Variants in TPO observed in about 807,000 individuals in gnomAD.
The protein encoded by TPO is thyroid peroxidase.
A neutral mutation model predicts 96.9 loss-of-function variants in TPO; 78 were observed. The observed-to-expected ratio is 0.81, with a 90% confidence interval of 0.67 to 0.97. The LOEUF is 0.97. Ranked by LOEUF, TPO falls within the 50% of genes least tolerant of loss-of-function variation. TPO has a pLI of 0.00. For synonymous variants in TPO, 547 were observed against 538.0 expected (o/e 1.02, Z -0.23); for missense variants, 1,252 against 1,274.8 (o/e 0.98, Z 0.27).
At chr2:1,423,388 A>G (rs1663990694) in intron 3 of TPO, among the ~76,000 whole-genome samples, 1 of 152,214 alleles carries the variant, frequency 6.6e-6, no homozygotes, top group African/African-American at 2.4e-5. Context: ...AAGACAGTAG[A>G]GGCTGACGTC....
chr2:1,482,918 C>G (rs1670782460), intron 8 of TPO, among the ~76,000 whole-genome samples: 1 of 152,192 alleles, frequency 6.6e-6, no homozygotes, highest in Non-Finnish European at 1.5e-5. Context: ...TGGGCTCAAG[C>G]AATCCTCCCA....
In TPO at chr2:1,496,134, T is replaced by G. The variant is rs148431413; in HGVS notation, c.2152T>G (p.Phe718Val). ...AFQVGKFPED[F>V]ESCDSITGMN... The stretch of plus-strand genomic sequence containing the variant: ...CCAAGTCGGCAAATTCCCCGAAGAC[T>G]TTGAGTCTTGTGACAGCATCACTGG... The change falls in exon 12 of 17, where the codon TTT becomes GTT. Residue 718 changes from phenylalanine to valine, a missense_variant. Transcript: ENST00000329066. 3.7e-5 allele frequency: 59 copies of G among 1,614,100 alleles called. No individual in the cohort carries two copies. The African/African-American group carries it at 6.3e-4, about 17-fold the overall frequency.
rs372370924 is a variant in TPO, at chr2:1,540,689, C to A, written c.2714C>A (p.Ser905Ter). The change falls in exon 16 of 17, where the codon TCA (serine) becomes TAA (stop). Residue 905 changes from serine to a stop codon, truncating the protein, a stop_gained. Transcript: ENST00000329066. LOFTEE classifies it low-confidence loss of function (END_TRUNC). ...GGAAAGCACCAGGCCGTAGGGACCTCACCGCAGCGGGCCGCAGCTCAGGAC... is the reference window on the plus strand; with the variant it reads ...GGAAAGCACCAGGCCGTAGGGACCTAACCGCAGCGGGCCGCAGCTCAGGAC... ...RCGKHQAVGT[S>*]PQRAAAQDSE... 4.3e-6 allele frequency: 7 copies of A among 1,613,268 alleles called. No individual in the cohort carries two copies. The highest frequency in any genetic ancestry group is 5.9e-6 in the Non-Finnish European group (7 of 1,180,040).
At chr2:1,533,444 C>T (rs1381686169) in intron 15 of TPO, among the ~76,000 whole-genome samples, 1 of 88,222 alleles carries the variant, frequency 1.1e-5, no homozygotes, top group Non-Finnish European at 2.2e-5. Context: ...CTCCCGAAAT[C>T]GCCCCCACTG....
intron 7 of TPO, among the ~76,000 whole-genome samples, chr2:1,462,623 A>C (rs560540245): frequency 6.6e-6 from 1 of 152,254 alleles, no homozygotes; most frequent in East Asian, 1.9e-4. Flanking sequence ...ATTTTAATTT[A>C]GTGTTGTTGA....
upstream of TPO, among the ~76,000 whole-genome samples, chr2:1,408,842 T>G (rs1662285236): frequency 6.6e-6 from 1 of 152,208 alleles, no homozygotes; most frequent in African/African-American, 2.4e-5. Context: ...CCACTTTTCC[T>G]TCTTGTGAAG....
intron 1 of TPO, among the ~76,000 whole-genome samples, chr2:1,404,280 T>A (rs765224877): frequency 3.3e-5 from 5 of 152,112 alleles, no homozygotes; most frequent in Non-Finnish European, 5.9e-5. Context: ...TAGCCAATTG[T>A]GGTAATGCAG....
At chr2:1,379,262 G>A (rs1048588064) in intron 1 of TPO, among the ~76,000 whole-genome samples, 10 of 151,654 alleles carry the variant, frequency 6.6e-5, no homozygotes, top group African/African-American at 1.7e-4. Context: ...CCGAGGTCGC[G>A]CCACTGCACT....
intron 7 of TPO, among the ~76,000 whole-genome samples, chr2:1,473,671 T>C (rs925485011): frequency 3.9e-5 from 6 of 152,196 alleles, no homozygotes; most frequent in Admixed American, 1.3e-4. Flanking sequence ...AAATTTTTTG[T>C]ATATTTAATG....
At chr2:1,480,736 T>TCCC (rs1162791814) in intron 8 of TPO, among the ~76,000 whole-genome samples, 16 of 108,062 alleles carry the variant, frequency 1.5e-4, no homozygotes, top group Non-Finnish European at 2.7e-4. Context: ...CCAAACCATG[T>TCCC]TTCTCCTGCT....
chr2:1,464,517 C>T (rs28911169), intron 7 of TPO, among the ~76,000 whole-genome samples: 4 of 152,220 alleles, frequency 2.6e-5, no homozygotes, highest in African/African-American at 9.7e-5. Context: ...TTCCTACCAG[C>T]AGGGTAGAAG....
At chr2:1,472,852 G>GA (rs1166915064) in intron 7 of TPO, among the ~76,000 whole-genome samples, 4 of 47,306 alleles carry the variant, frequency 8.5e-5, no homozygotes, top group Non-Finnish European at 8.4e-5. Context: ...AAAAAAAAAA[G>GA]GAGAGAGAGA....
intron 7 of TPO, among the ~76,000 whole-genome samples, chr2:1,461,039 A>G (rs1395171147): frequency 6.6e-6 from 1 of 152,198 alleles, no homozygotes; most frequent in Non-Finnish European, 1.5e-5. Context: ...ATGTTTGTCC[A>G]GACAGGTGGG....
At chr2:1,427,878 A>T (rs190660860) in intron 3 of TPO, among the ~76,000 whole-genome samples, 1 of 152,244 alleles carries the variant, frequency 6.6e-6, no homozygotes, top group East Asian at 1.9e-4. Context: ...TAGATTGGTG[A>T]TACCATTTGA....
chr2:1,422,358 C>CGCCTCTCCTGGACAGACCTCGTGCAGGT lies in TPO; in HGVS notation c.95-684_95-683insTCTCCTGGACAGACCTCGTGCAGGTGCC, dbSNP rs1558264430. Among the ~76,000 whole-genome samples the CGCCTCTCCTGGACAGACCTCGTGCAGGT allele has an allele frequency of 1.3e-3, 133 of 106,118 alleles. 6 individuals carry two copies. The highest frequency in any genetic ancestry group is 3.2e-3 in the African/African-American group (85 of 26,870). The allele number at this position is 106,118 out of a possible 152,430, so 69.6% of individuals were successfully genotyped here. A position where few individuals can be genotyped will look rare whatever the true frequency, so the allele number is the denominator to read the frequency against. ...CTCTCCTGGACCGACCTCGTGCAGG[C>CGCCTCTCCTGGACAGACCTCGTGCAGGT]GCCGCGCTGGACCGACCTCGTGCAG... is the stretch of plus-strand genomic sequence containing the variant. On this transcript the variant is annotated intron_variant, in intron 2 of 16. Transcript: ENST00000329066.
At chr2:1,526,434 A>G (rs114391088) in intron 15 of TPO, among the ~76,000 whole-genome samples, 1,290 of 101,428 alleles carry the variant, frequency 0.013, 37 homozygotes, top group African/African-American at 0.049. Flanking sequence ...GAAACCTCAA[A>G]TCCCCCAACT....
intron 15 of TPO, among the ~76,000 whole-genome samples, chr2:1,530,201 CTCCCA>C: frequency 1.3e-5 from 1 of 74,620 alleles, no homozygotes; most frequent in Non-Finnish European, 2.5e-5. Flanking sequence ...CCCCAAATCC[CTCCCA>C]CTGTGTGCAA....
intron 5 of TPO, among the ~76,000 whole-genome samples, chr2:1,439,851 C>T (rs898514016): frequency 2.0e-5 from 3 of 152,280 alleles, no homozygotes; most frequent in East Asian, 3.9e-4. Flanking sequence ...AGGGATGTCC[C>T]CTCTTCTGCA....
At chr2:1,437,163 G>T (rs1190726726) in intron 5 of TPO, among the ~76,000 whole-genome samples, 1 of 152,226 alleles carries the variant, frequency 6.6e-6, no homozygotes, top group Admixed American at 6.5e-5. Context: ...AGAGAAGAGG[G>T]CTTTGCAAAG....
Sources: gnomAD v4.1 joint callset for allele counts (sites outside exome capture counted in the v4.1 genomes callset) on GRCh38, gnomAD v4.1.1 for gene constraint, MANE v1.5 for transcripts, NCBI Gene and HGNC (gene_info 2026-07-23, HGNC 2026-07-21) for gene names.